The following ZFHX3 variants were observed in gnomAD, a reference collection of about 807,000 sequenced individuals.
ZFHX3 encodes zinc finger homeobox protein 3.
Under a neutral mutation model 279.1 loss-of-function variants are expected in ZFHX3, and 42 were observed. The observed-to-expected ratio is 0.15, with a 90% confidence interval of 0.12 to 0.19. The LOEUF is 0.19. Ranked by LOEUF, ZFHX3 falls within the 10% of genes least tolerant of loss-of-function variation. The pLI, the probability that ZFHX3 is intolerant of heterozygous loss-of-function variation, is 1.00. For synonymous variants in ZFHX3, 2,293 were observed against 1,957.8 expected (o/e 1.17, Z -4.52); for missense variants, 4,981 against 4,754.0 (o/e 1.05, Z -1.40).
At chr16:73,483,503 C>A (rs1477987896) in intron 2 of ZFHX3, 12 of 406,676 alleles carry the variant, frequency 3.0e-5, no homozygotes, top group Non-Finnish European at 4.8e-5. Context: ...AGCCTCGACG[C>A]TGAACAAATA....
chr16:73,233,484 G>C (rs2012843749), intron 5 of ZFHX3, among the ~76,000 whole-genome samples: 1 of 152,202 alleles, frequency 6.6e-6, no homozygotes, highest in African/African-American at 2.4e-5. Context: ...TTTGTCTGCA[G>C]AAGCTGCTGC....
At chr16:73,193,362 A>G (rs1370828470) in intron 5 of ZFHX3, among the ~76,000 whole-genome samples, 1 of 152,180 alleles carries the variant, frequency 6.6e-6, no homozygotes, top group East Asian at 1.9e-4. Flanking sequence ...AACTGAGGAA[A>G]GGAGAGATGG....
At chr16:73,865,528 G>T (rs938377853) in intron 1 of ZFHX3, among the ~76,000 whole-genome samples, 4 of 152,250 alleles carry the variant, frequency 2.6e-5, no homozygotes, top group African/African-American at 9.6e-5. Context: ...ATTCTAGATA[G>T]TTTCTTGGCT....
At chr16:72,983,066 T>C (rs920981879) in intron 1 of ZFHX3, among the ~76,000 whole-genome samples, 1 of 151,948 alleles carries the variant, frequency 6.6e-6, no homozygotes, top group Non-Finnish European at 1.5e-5. Flanking sequence ...ACCGGCTTCT[T>C]CCCCGTCAGG....
In ZFHX3 at chr16:73,434,888, C is replaced by T. The variant is rs888712570; in HGVS notation, c.-1291+21115G>A. Reference sequence around the variant, plus strand: ...TCAGTGGCCGGCATGGCTATTTACACGGGGCATTGCAAGTAAGAGTCACAC... The same window carrying T: ...TCAGTGGCCGGCATGGCTATTTACATGGGGCATTGCAAGTAAGAGTCACAC... On this transcript the variant is annotated intron_variant, in intron 3 of 17. Transcript: ENST00000641206. Among the ~76,000 whole-genome samples the T allele has an allele frequency of 3.3e-5, 5 of 152,122 alleles. No homozygotes were observed. In the East Asian group the frequency reaches 5.8e-4, roughly 18 times the overall value.
In ZFHX3 at chr16:73,514,389, C is replaced by T. The variant is rs138724304; in HGVS notation, c.-1546-58131G>A. Among the ~76,000 whole-genome samples the T allele has an allele frequency of 5.8e-3, 880 of 152,284 alleles. 15 individuals carry two copies. Among genetic ancestry groups the T allele is most frequent in the South Asian group, 0.049 (235 of 4,826 alleles). ...AGTGGCTTTCATTTATTTGTGGTTA[C>T]GTGATATGCCAACACTATGCTAGGC... On this transcript the variant is annotated intron_variant, in intron 2 of 17. Transcript: ENST00000641206.
chr16:73,882,721 T>C (rs1490499168), intron 1 of ZFHX3, among the ~76,000 whole-genome samples: 1 of 152,146 alleles, frequency 6.6e-6, no homozygotes, highest in South Asian at 2.1e-4. Flanking sequence ...ATTTTCCCCT[T>C]TCCAGCCAGA....
chr16:73,504,941 A>G (rs2019299332), intron 2 of ZFHX3: 1 of 152,072 alleles, frequency 6.6e-6, no homozygotes, highest in Non-Finnish European at 1.5e-5. Flanking sequence ...TGAAATGAGG[A>G]AAAAAAGAAA....
At chr16:73,313,034 G>A (rs774807086) in intron 4 of ZFHX3, among the ~76,000 whole-genome samples, 21 of 152,172 alleles carry the variant, frequency 1.4e-4, no homozygotes, top group African/African-American at 3.1e-4. Flanking sequence ...GTCAGGGGAC[G>A]GGCCTGGTGG....
At chr16:72,951,922 C>T (rs549854955) in intron 2 of ZFHX3, among the ~76,000 whole-genome samples, 15 of 152,266 alleles carry the variant, frequency 9.9e-5, no homozygotes, top group African/African-American at 2.2e-4. Context: ...TGGTGAGTGG[C>T]GCCTGGGTTG....
At chr16:73,315,676 A>G (rs1395425931) in intron 4 of ZFHX3, among the ~76,000 whole-genome samples, 1 of 152,220 alleles carries the variant, frequency 6.6e-6, no homozygotes, top group Non-Finnish European at 1.5e-5. Flanking sequence ...GCGGTAAAGA[A>G]GAAAGGAAAA....
At chr16:73,792,155 T>C (rs1165354298) in intron 1 of ZFHX3, among the ~76,000 whole-genome samples, 1 of 152,222 alleles carries the variant, frequency 6.6e-6, no homozygotes, top group African/African-American at 2.4e-5. Flanking sequence ...AGAATCATGA[T>C]GCATTTAATA....
chr16:73,173,008 G>GTTT (rs869289153), intron 5 of ZFHX3, among the ~76,000 whole-genome samples: 6 of 49,944 alleles, frequency 1.2e-4, no homozygotes, highest in African/African-American at 1.9e-4. Context: ...TTTTTTTTTT[G>GTTT]TTTTTTTTTT....
intron 2 of ZFHX3, among the ~76,000 whole-genome samples, chr16:73,506,999 C>T (rs72801421): frequency 0.04 from 6,036 of 152,238 alleles, 166 homozygotes; most frequent in African/African-American, 0.076. Context: ...TCTCTTCCAC[C>T]GACGCATAAG....
chr16:73,431,696 T>C (rs1424559696), intron 3 of ZFHX3, among the ~76,000 whole-genome samples: 1 of 152,216 alleles, frequency 6.6e-6, no homozygotes, highest in African/African-American at 2.4e-5. Context: ...TACAATTCCA[T>C]GATTTATTTC....
In ZFHX3 at chr16:72,940,419, G is replaced by C. The variant is rs1328983792; in HGVS notation, c.3216+10050C>G. 3.3e-5 allele frequency among the ~76,000 whole-genome samples: 5 copies of C among 152,260 alleles called. No individual in the cohort carries two copies. The East Asian group carries it at 9.7e-4, about 29-fold the overall frequency. ...CTGAGGGCTGGGGTCTGAACCCATG[G>C]GAGGAGAAGAAGTCAGGGTAGCCAA... On this transcript the variant is annotated intron_variant, in intron 3 of 9. Transcript: ENST00000268489.
intron 8 of ZFHX3, among the ~76,000 whole-genome samples, chr16:73,078,780 G>A (rs1015829550): frequency 6.6e-6 from 1 of 151,986 alleles, no homozygotes; most frequent in African/African-American, 2.4e-5. Context: ...GAGTAGCTGG[G>A]ACTACAGGCG....
chr16:73,343,338 C>T (rs1000097955), intron 3 of ZFHX3, among the ~76,000 whole-genome samples: 1 of 152,106 alleles, frequency 6.6e-6, no homozygotes, highest in Non-Finnish European at 1.5e-5. Flanking sequence ...CCAAAAGAAT[C>T]CAGGACTCTT....
intron 4 of ZFHX3, among the ~76,000 whole-genome samples, chr16:73,257,997 A>G (rs956766222): frequency 7.9e-5 from 12 of 152,214 alleles, no homozygotes; most frequent in African/African-American, 2.9e-4. Context: ...TCCAGATGCC[A>G]GTAGCATCTC....
Sources: gnomAD v4.1 joint callset for allele counts (sites outside exome capture counted in the v4.1 genomes callset) on GRCh38, gnomAD v4.1.1 for gene constraint, MANE v1.5 for transcripts, NCBI Gene and HGNC (gene_info 2026-07-23, HGNC 2026-07-21) for gene names.